The following PPP1R16B variants were observed in gnomAD, a reference collection of about 807,000 sequenced individuals.
PPP1R16B encodes protein phosphatase 1 regulatory subunit 16B, also known as protein phosphatase 1 regulatory inhibitor subunit 16B.
PPP1R16B carries 14 observed loss-of-function variants against 61.7 expected under a neutral mutation model. The observed-to-expected ratio is 0.23, with a 90% CI of 0.15 to 0.35. The LOEUF (loss-of-function observed/expected upper bound fraction) is 0.35, where lower values mean the gene tolerates loss of function less well. PPP1R16B is among the 10% of genes least tolerant of loss of function. The pLI is 1.00. For missense variants in PPP1R16B, 547 were observed against 752.5 expected, an observed-to-expected ratio of 0.73 and a Z score of 3.19; for synonymous variants, 266 against 305.3, an observed-to-expected ratio of 0.87 and a Z score of 1.34.
intron 10 of PPP1R16B, among the ~76,000 whole-genome samples, chr20:38,913,443 A>G (rs890443930): frequency 4.0e-5 from 6 of 151,460 alleles, no homozygotes; most frequent in African/African-American, 1.5e-4. Flanking sequence ...TTGTATTTTT[A>G]GTAGAGACGG....
chr20:38,871,821 T>C lies in PPP1R16B; in HGVS notation c.251-17774T>C, dbSNP rs545222255. Among the ~76,000 whole-genome samples, 5 of 152,310 alleles carry C rather than the reference T, an allele frequency of 3.3e-5. No homozygotes were observed. In the South Asian group the frequency reaches 1.0e-3, roughly 32 times the overall value. ...GTAATGTAACTAAGTATTTACAATC[T>C]AGCTCAGCTCTGATCAATGGAAAAA... On this transcript the variant is annotated intron_variant, in intron 2 of 10. Transcript: ENST00000299824.
At chr20:38,895,960 CTTCTTTCTTCCCTCCCTCCCTCCTT>C (rs1289127975) in intron 4 of PPP1R16B, among the ~76,000 whole-genome samples, 21 of 110,858 alleles carry the variant, frequency 1.9e-4, no homozygotes, top group African/African-American at 7.7e-4. Flanking sequence ...TCCCTCCTTT[CTTCTTTCTTCCCTCCCTCCCTCCTT>C]CCTTCTTTCT....
intron 2 of PPP1R16B, among the ~76,000 whole-genome samples, chr20:38,888,247 A>C (rs1336037136): frequency 6.6e-6 from 1 of 152,206 alleles, no homozygotes; most frequent in African/African-American, 2.4e-5. Context: ...GAGGAGGCTC[A>C]GAGGGCTCAG....
At chr20:38,858,025 C>T (rs941659512) in intron 2 of PPP1R16B, among the ~76,000 whole-genome samples, 1 of 152,128 alleles carries the variant, frequency 6.6e-6, no homozygotes, top group African/African-American at 2.4e-5. Flanking sequence ...CTCGTGAGGG[C>T]TCTCTTCCTG....
At chr20:38,838,760 G>A (rs926085388) in intron 2 of PPP1R16B, among the ~76,000 whole-genome samples, 2 of 152,160 alleles carry the variant, frequency 1.3e-5, no homozygotes, top group South Asian at 4.1e-4. Context: ...CATGGGCTGC[G>A]GGCTTCAGAC....
intron 10 of PPP1R16B, among the ~76,000 whole-genome samples, chr20:38,916,960 G>A (rs1297336104): frequency 2.0e-5 from 3 of 152,058 alleles, no homozygotes; most frequent in African/African-American, 7.2e-5. Context: ...CTACATATTA[G>A]TATCCCCTGC....
chr20:38,812,871 G>A (rs534521677), intron 1 of PPP1R16B, among the ~76,000 whole-genome samples: 96 of 152,122 alleles, frequency 6.3e-4, no homozygotes, highest in Non-Finnish European at 9.3e-4. Flanking sequence ...GATCTAGGGC[G>A]TATCCACAAA....
intron 2 of PPP1R16B, among the ~76,000 whole-genome samples, chr20:38,875,703 G>A (rs2085160715): frequency 6.6e-6 from 1 of 152,108 alleles, no homozygotes; most frequent in African/African-American, 2.4e-5. Context: ...GCTCTTGACA[G>A]GAAATGTGGC....
chr20:38,823,758 G>A (rs1474692126), intron 1 of PPP1R16B, among the ~76,000 whole-genome samples: 1 of 152,190 alleles, frequency 6.6e-6, no homozygotes, highest in African/African-American at 2.4e-5. Flanking sequence ...AATTTAGGAT[G>A]AGATATATTT....
At chr20:38,906,872 C>A in intron 7 of PPP1R16B, 107 bp from the exon 8 acceptor site, 1 of 905,546 alleles carries the variant, frequency 1.1e-6, no homozygotes. Flanking sequence ...CAACTTTGTC[C>A]CACCATTCTT....
intron 2 of PPP1R16B, among the ~76,000 whole-genome samples, chr20:38,863,942 T>C (rs2085073007): frequency 1.3e-5 from 2 of 152,214 alleles, no homozygotes. Context: ...AACCCAAATG[T>C]CCATCAACTG....
chr20:38,846,943 T>G (rs1331559003), intron 2 of PPP1R16B, among the ~76,000 whole-genome samples: 1 of 152,140 alleles, frequency 6.6e-6, no homozygotes, highest in East Asian at 1.9e-4. Flanking sequence ...AGGTCAAGGT[T>G]GTAAGCTGTG....
intron 2 of PPP1R16B, among the ~76,000 whole-genome samples, chr20:38,849,246 G>A (rs901319977): frequency 2.6e-5 from 4 of 152,090 alleles, no homozygotes; most frequent in Non-Finnish European, 5.9e-5. Flanking sequence ...TTTTCAGTGA[G>A]TTATCTTGGG....
At chr20:38,881,587 T>C (rs1394253318) in intron 2 of PPP1R16B, among the ~76,000 whole-genome samples, 1 of 152,098 alleles carries the variant, frequency 6.6e-6, no homozygotes, top group Non-Finnish European at 1.5e-5. Flanking sequence ...CTACCTACAA[T>C]GGAGATGCAG....
At chr20:38,884,343 G>A (rs1457865763) in intron 2 of PPP1R16B, among the ~76,000 whole-genome samples, 2 of 152,226 alleles carry the variant, frequency 1.3e-5, no homozygotes, top group African/African-American at 4.8e-5. Context: ...CAAGGCAGTA[G>A]CTCTGTAGGC....
intron 2 of PPP1R16B, among the ~76,000 whole-genome samples, chr20:38,859,512 G>A (rs2085032568): frequency 6.6e-6 from 1 of 152,212 alleles, no homozygotes; most frequent in South Asian, 2.1e-4. Flanking sequence ...TTTATTTAGA[G>A]CCAGGTTCTT....
At chr20:38,849,624 T>G (rs1005761556) in intron 2 of PPP1R16B, among the ~76,000 whole-genome samples, 1 of 151,724 alleles carries the variant, frequency 6.6e-6, no homozygotes, top group African/African-American at 2.4e-5. Flanking sequence ...CCAAGTCAGC[T>G]TCCCATTAAT....
intron 10 of PPP1R16B, among the ~76,000 whole-genome samples, chr20:38,915,550 A>G (rs1476168448): frequency 6.6e-6 from 1 of 152,152 alleles, no homozygotes; most frequent in Non-Finnish European, 1.5e-5. Flanking sequence ...CAGTTGTGCA[A>G]TCTTGGCTCA....
chr20:38,913,503 CA>C (rs1438226463), intron 10 of PPP1R16B, among the ~76,000 whole-genome samples: 4 of 152,140 alleles, frequency 2.6e-5, no homozygotes, highest in African/African-American at 9.7e-5. Context: ...CCTTGTGATC[CA>C]CCCGCCTCGA....
Sources: allele counts gnomAD v4.1 joint callset (sites outside exome capture counted in the v4.1 genomes callset), GRCh38; gene constraint gnomAD v4.1.1; transcripts MANE v1.5; gene names NCBI Gene and HGNC (gene_info 2026-07-23, HGNC 2026-07-21).